Variants in NFAM1 observed in about 807,000 individuals in gnomAD.
NFAM1 encodes NFAT activating protein with ITAM motif 1, also known as NFAT activation molecule 1.
Under a neutral mutation model 29.0 loss-of-function variants are expected in NFAM1, and 17 were observed. That is an observed-to-expected ratio of 0.59 (90% CI 0.40 to 0.88). The LOEUF (loss-of-function observed/expected upper bound fraction) is 0.88, where lower values mean the gene tolerates loss of function less well. Among genes scored for constraint, NFAM1 ranks in the 40% least tolerant of loss-of-function variants. The pLI is 0.00. For synonymous variants in NFAM1, 175 were observed against 147.2 expected (o/e 1.19, Z -1.36); for missense variants, 324 against 344.6 (o/e 0.94, Z 0.47).
chr22:42,405,945 G>A (rs1449742678), intron 3 of NFAM1, among the ~76,000 whole-genome samples: 1 of 152,154 alleles, frequency 6.6e-6, no homozygotes, highest in Non-Finnish European at 1.5e-5. Context: ...GCTCCCGGGG[G>A]TGAAAGGCGC....
chr22:42,384,996 G>T lies in NFAM1; in HGVS notation c.*165C>A, dbSNP rs573487149. The T allele has an allele frequency of 7.2e-6, 5 of 690,250 alleles. No homozygotes were observed. The highest frequency in any genetic ancestry group is 4.1e-4 in the Middle Eastern group (1 of 2,418). The allele number at this position is 690,250 out of a possible 1,614,324, so 42.8% of individuals were successfully genotyped here. ...AGCCTTGGTGGTTGGGGCATAGAATGGGGGGGCAGTGGGGCCGGCCAAGAC... is the reference window on the plus strand; with the variant it reads ...AGCCTTGGTGGTTGGGGCATAGAATTGGGGGGCAGTGGGGCCGGCCAAGAC... On this transcript the variant is annotated 3_prime_UTR_variant, in exon 6 of 6. Transcript: ENST00000329021.
At position 42,385,099 on chromosome 22, in the gene NFAM1, G is replaced by A. The variant is rs1169694677; in HGVS notation, c.*62C>T. On this transcript the variant is annotated 3_prime_UTR_variant, in exon 6 of 6. Transcript: ENST00000329021. Reference sequence around the variant, plus strand: ...ACTCCCAACTCAGATCAAGTCCTTTGGTGGCAGGGGCTGCCCCGGTCCTCT... The same window carrying A: ...ACTCCCAACTCAGATCAAGTCCTTTAGTGGCAGGGGCTGCCCCGGTCCTCT... The A allele has an allele frequency of 5.5e-6, 7 of 1,263,690 alleles. No homozygotes were observed. In the African/African-American group the frequency reaches 8.9e-5, roughly 16 times the overall value. 78.3% of individuals were successfully genotyped at this position (1,263,690 alleles called of 1,614,324 possible). A position where few individuals can be genotyped will look rare whatever the true frequency, so the allele number is the denominator to read the frequency against.
upstream of NFAM1, chr22:42,436,918 G>A: frequency 1.5e-6 from 1 of 679,460 alleles, no homozygotes; most frequent in Non-Finnish European, 1.8e-6. Context: ...ATACGCCTCA[G>A]CTGACATATT....
upstream of NFAM1, among the ~76,000 whole-genome samples, chr22:42,434,503 T>A (rs1930893834): frequency 6.6e-6 from 1 of 152,134 alleles, no homozygotes; most frequent in Non-Finnish European, 1.5e-5. Flanking sequence ...CCACGCAGCC[T>A]CCTGGGGAGA....
intron 1 of NFAM1, among the ~76,000 whole-genome samples, chr22:42,424,690 C>A (rs748678366): frequency 7.2e-5 from 11 of 151,836 alleles, no homozygotes; most frequent in South Asian, 2.1e-4. Context: ...TTCTCAAATT[C>A]TTGAAATGGG....
At chr22:42,433,838 G>A (rs1955917601), upstream of NFAM1, among the ~76,000 whole-genome samples, 1 of 152,160 alleles carries the variant, frequency 6.6e-6, no homozygotes, top group African/African-American at 2.4e-5. Flanking sequence ...CGCTATTCCT[G>A]GCTCCTGGGA....
At chr22:42,411,289 G>T in intron 2 of NFAM1, 118 bp downstream of exon 2, 1 of 762,006 alleles carries the variant, frequency 1.3e-6, no homozygotes. Flanking sequence ...CTCCCAAAGT[G>T]CTGGGATGTG....
chr22:42,426,235 G>A lies in NFAM1; in HGVS notation c.121+6002C>T, dbSNP rs1601762672. Among the ~76,000 whole-genome samples the A allele has an allele frequency of 2.0e-5, 3 of 152,314 alleles. No homozygotes were observed. In the East Asian group the frequency reaches 5.8e-4, roughly 29 times the overall value. On this transcript the variant is annotated intron_variant, in intron 1 of 5. Coordinates refer to ENST00000329021, the MANE Select transcript of NFAM1 (RefSeq NM_145912.8). Reference sequence around the variant, plus strand: ...CTGAATACACCAGGGTTAGGGGCCTGCTGAGGGCAGTGAGGCTGTTTGCGG... The same window carrying A: ...CTGAATACACCAGGGTTAGGGGCCTACTGAGGGCAGTGAGGCTGTTTGCGG...
At chr22:42,423,815 GGTTC>G (rs1308636742) in intron 1 of NFAM1, among the ~76,000 whole-genome samples, 4 of 151,572 alleles carry the variant, frequency 2.6e-5, no homozygotes, top group African/African-American at 7.3e-5. Context: ...CTGCCTCCCA[GGTTC>G]AAGAGATTCT....
chr22:42,413,751 T>TAAC (rs931232899), intron 1 of NFAM1, among the ~76,000 whole-genome samples: 1 of 151,722 alleles, frequency 6.6e-6, no homozygotes, highest in East Asian at 1.9e-4. Context: ...ACAACAATAA[T>TAAC]AACAACAACA....
chr22:42,385,888 C>T (rs983405094), intron 5 of NFAM1, among the ~76,000 whole-genome samples: 3 of 152,160 alleles, frequency 2.0e-5, no homozygotes, highest in African/African-American at 4.8e-5. Context: ...AAGTGCCAGG[C>T]GCCCGCACTC....
Position 42,409,084 on chromosome 22 carries a change from C to T in NFAM1, c.564+351G>A, listed in dbSNP as rs1386817012. ...GTGGCTGGTAGCCCCTTCATCCCTT[C>T]CAGCCTGCTGGGATCAAGAAAACCT... is the stretch of plus-strand genomic sequence containing the variant. On this transcript the variant is annotated intron_variant, in intron 3 of 5. Coordinates refer to ENST00000329021, the MANE Select transcript of NFAM1 (RefSeq NM_145912.8). This position sits in a 1 kb window ranked among gnomAD's most constrained non-coding sequence, Gnocchi z 4.9. Among the ~76,000 whole-genome samples, 3 of 152,268 alleles carry T rather than the reference C, an allele frequency of 2.0e-5. No individual in the cohort carries two copies. Among genetic ancestry groups the T allele is most frequent in the South Asian group, 2.1e-4 (1 of 4,826 alleles).
At chr22:42,411,164 C>T (rs1182135950) in intron 2 of NFAM1, among the ~76,000 whole-genome samples, 1 of 151,676 alleles carries the variant, frequency 6.6e-6, no homozygotes, top group Non-Finnish European at 1.5e-5. Context: ...GCTGGGATTA[C>T]AGGCACCTGC....
chr22:42,391,719 C>T (rs906095073), intron 4 of NFAM1, among the ~76,000 whole-genome samples: 12 of 151,644 alleles, frequency 7.9e-5, no homozygotes, highest in African/African-American at 1.2e-4. Flanking sequence ...CTGAGGCAGG[C>T]GGATCATTTG....
chr22:42,430,232 C>T (rs1255471422), intron 1 of NFAM1, among the ~76,000 whole-genome samples: 1 of 150,954 alleles, frequency 6.6e-6, no homozygotes, highest in African/African-American at 2.4e-5. Context: ...CACTGCACTC[C>T]AGCCTGGTGG....
upstream of NFAM1, among the ~76,000 whole-genome samples, chr22:42,436,178 G>A (rs1423967920): frequency 3.3e-5 from 5 of 152,124 alleles, no homozygotes; most frequent in Admixed American, 6.5e-5. Flanking sequence ...GCCTCCAGCC[G>A]GGACACAGTG....
Position 42,384,765 on chromosome 22 carries a change from C to T in NFAM1, c.*396G>A. On this transcript the variant is annotated 3_prime_UTR_variant, in exon 6 of 6. Coordinates refer to ENST00000329021, the MANE Select transcript of NFAM1 (RefSeq NM_145912.8). ...GCGCCCCTGCAGGGTCCTCCCTCAG[C>T]TCAGAGGCTGCCCTACTGGCTGAGG... 1 of 274,840 alleles carries T rather than the reference C, an allele frequency of 3.6e-6. No homozygotes were observed. Among genetic ancestry groups the T allele is most frequent in the Non-Finnish European group, 7.1e-6 (1 of 140,756 alleles). The allele number at this position is 274,840 out of a possible 1,614,324, so 17.0% of individuals were successfully genotyped here.
At chr22:42,408,540 C>T (rs1030281470) in intron 3 of NFAM1, among the ~76,000 whole-genome samples, 8 of 152,226 alleles carry the variant, frequency 5.3e-5, no homozygotes, top group Admixed American at 4.6e-4. Flanking sequence ...ATCAGCTTTG[C>T]ACCCCTGAGC....
At chr22:42,404,727 C>T (rs764014736) in intron 3 of NFAM1, among the ~76,000 whole-genome samples, 3 of 151,952 alleles carry the variant, frequency 2.0e-5, no homozygotes, top group African/African-American at 4.8e-5. Flanking sequence ...TGGTATCGCA[C>T]GTCTGTAATC....
Sources: allele counts gnomAD v4.1 joint callset (sites outside exome capture counted in the v4.1 genomes callset), GRCh38; gene constraint gnomAD v4.1.1; non-coding constraint Gnocchi (gnomAD v3.1); transcripts MANE v1.5; gene names NCBI Gene and HGNC (gene_info 2026-07-23, HGNC 2026-07-21).